Variants in AXL observed in about 807,000 individuals in gnomAD.
AXL encodes the protein AXL receptor tyrosine kinase.
A neutral mutation model predicts 104.5 loss-of-function variants in AXL; 52 were observed. The ratio of observed to expected loss-of-function variants is 0.50; its 90% CI spans 0.40 to 0.63. AXL has a LOEUF of 0.63. Among genes scored for constraint, AXL ranks in the 20% least tolerant of loss-of-function variants. The pLI is 0.00. For synonymous variants in AXL, 455 were observed against 473.7 expected (o/e 0.96, Z 0.51); for missense variants, 1,024 against 1,188.5 (o/e 0.86, Z 2.04).
rs12609460 is a variant in AXL, at chr19:41,227,548, C to T, written c.587-3419C>T. On this transcript the variant is annotated intron_variant, in intron 4 of 19. Coordinates refer to ENST00000301178, the MANE Select transcript of AXL (RefSeq NM_021913.5). Reference sequence around the variant, plus strand: ...TCGCCCAGGCTGGAGTGCAGTGTGGCGACCTTGGCTCACTGCAACCTCCGC... The same window carrying T: ...TCGCCCAGGCTGGAGTGCAGTGTGGTGACCTTGGCTCACTGCAACCTCCGC... 1.3e-3 allele frequency among the ~76,000 whole-genome samples: 195 copies of T among 149,166 alleles called. 3 individuals are homozygous for T. The East Asian group carries it at 0.03, about 23-fold the overall frequency.
chr19:41,233,430 A>G (rs1232851500), intron 6 of AXL, among the ~76,000 whole-genome samples: 5 of 144,446 alleles, frequency 3.5e-5, no homozygotes, highest in African/African-American at 1.2e-4. Flanking sequence ...CACGCCTGTA[A>G]TCCCAGCACT....
intron 17 of AXL, 58 bp downstream of exon 17, chr19:41,253,766 TC>T (rs1336134526): frequency 7.6e-7 from 1 of 1,307,978 alleles, no homozygotes; most frequent in Non-Finnish European, 1.1e-6. Context: ...CTGAGGGAGT[TC>T]CCTCCCTCCT....
At chr19:41,220,910 A>G (rs2033779507) in intron 2 of AXL, 52 bp downstream of exon 2, 1 of 1,586,094 alleles carries the variant, frequency 6.3e-7, no homozygotes, top group Non-Finnish European at 8.6e-7. Context: ...CACAGAGGGC[A>G]GAAAGCCCAC....
At chr19:41,222,831 G>A (rs999088727) in intron 4 of AXL, among the ~76,000 whole-genome samples, 2 of 151,246 alleles carry the variant, frequency 1.3e-5, no homozygotes, top group Non-Finnish European at 2.9e-5. Context: ...GCAGGAACCC[G>A]AGAGGCGGAG....
intron 3 of AXL, 32 bp downstream of exon 3, chr19:41,221,278 C>G (rs1300285084): frequency 6.3e-7 from 1 of 1,591,764 alleles, no homozygotes; most frequent in Non-Finnish European, 8.6e-7. Context: ...CCTGAGGGGT[C>G]AGAGGACATG....
At chr19:41,255,929 G>A (rs991749001) in intron 17 of AXL, among the ~76,000 whole-genome samples, 1 of 152,064 alleles carries the variant, frequency 6.6e-6, no homozygotes, top group African/African-American at 2.4e-5. Context: ...ACTTTTAGTA[G>A]AGACAGAGTT....
At chr19:41,224,202 G>T (rs2033840520) in intron 4 of AXL, among the ~76,000 whole-genome samples, 1 of 151,934 alleles carries the variant, frequency 6.6e-6, no homozygotes, top group Admixed American at 6.6e-5. Flanking sequence ...AGTAAAGTGT[G>T]CCTGGAGGGT....
chr19:41,234,262 C>T (rs991223488), intron 6 of AXL, among the ~76,000 whole-genome samples: 3 of 152,076 alleles, frequency 2.0e-5, no homozygotes, highest in Non-Finnish European at 4.4e-5. Flanking sequence ...GGTGGTAGTG[C>T]GAAGTCAATG....
intron 10 of AXL, among the ~76,000 whole-genome samples, chr19:41,240,827 A>C (rs1212441515): frequency 6.6e-6 from 1 of 152,050 alleles, no homozygotes; most frequent in Non-Finnish European, 1.5e-5. Context: ...AACATTGTCC[A>C]CAACTTTCCC....
At chr19:41,243,037 A>G in intron 11 of AXL, 22 bp downstream of exon 11, 1 of 1,613,946 alleles carries the variant, frequency 6.2e-7, no homozygotes, top group Non-Finnish European at 8.5e-7. Flanking sequence ...CCACATGGGG[A>G]GGCTGTGTGG....
chr19:41,241,556 A>G (rs986613597), intron 10 of AXL, among the ~76,000 whole-genome samples: 26 of 151,164 alleles, frequency 1.7e-4, no homozygotes, highest in East Asian at 9.7e-4. Context: ...AAAAAAAAAA[A>G]AAAGAAAGAA....
rs756620684 is a variant in AXL at position 41,253,638 on chromosome 19, A to G, written c.1966A>G (p.Ile656Val). The G allele has an allele frequency of 7.4e-6, 12 of 1,613,790 alleles. No homozygotes were observed. In the South Asian group the frequency reaches 9.9e-5, roughly 13 times the overall value. The change falls in exon 17 of 20, where the codon ATC becomes GTC. Residue 656 changes from isoleucine to valine, a missense_variant. Ile to Val is a conservative substitution (Grantham distance 29, BLOSUM62 3). This residue lies in a region of AXL where 523 missense variants were observed against 636.0 expected (regional missense o/e 0.82). Coordinates refer to ENST00000301178, the MANE Select transcript of AXL (RefSeq NM_021913.5). ...GATGCTAGTGAAGTTCATGGCAGAC[A>G]TCGCCAGTGGCATGGAGTATCTGAG... ...TQMLVKFMADIASGMEYLSTK... is the reference protein window; with the variant it reads ...TQMLVKFMADVASGMEYLSTK...
At chr19:41,240,431 G>C (rs969033465) in intron 10 of AXL, among the ~76,000 whole-genome samples, 3 of 151,910 alleles carry the variant, frequency 2.0e-5, no homozygotes, top group Non-Finnish European at 2.9e-5. Flanking sequence ...TGGATGGATG[G>C]ACAGATGGAT....
intron 14 of AXL, among the ~76,000 whole-genome samples, chr19:41,251,779 G>A (rs1332011094): frequency 6.6e-6 from 1 of 151,872 alleles, no homozygotes; most frequent in Non-Finnish European, 1.5e-5. Context: ...AATAAAATGG[G>A]AATGATAATA....
In AXL at chr19:41,259,828, C is replaced by T. The variant is rs1400226430; in HGVS notation, c.2609C>T (p.Pro870Leu). Reference sequence around the variant, plus strand: ...CCTGCTGGACGCTATGTCCTCTGCCCTTCCACAACCCCTAGCCCCGCTCAG... The same window carrying T: ...CCTGCTGGACGCTATGTCCTCTGCCTTTCCACAACCCCTAGCCCCGCTCAG... ...VHPAGRYVLC[P>L]STTPSPAQPA... Residue 870 changes from proline (P) to leucine (L), a missense_variant, in exon 20 of 20, where the codon CCT becomes CTT. Coordinates refer to ENST00000301178, the MANE Select transcript of AXL (RefSeq NM_021913.5). 6.2e-7 allele frequency: 1 copy of T among 1,613,872 alleles called. No individual in the cohort carries two copies. The highest frequency in any genetic ancestry group is 8.5e-7 in the Non-Finnish European group (1 of 1,179,894).
At chr19:41,219,676 A>G (rs1239694722) in intron 1 of AXL, among the ~76,000 whole-genome samples, 199 bp downstream of exon 1, 1 of 146,660 alleles carries the variant, frequency 6.8e-6, no homozygotes, top group African/African-American at 2.5e-5. Context: ...AGACTGAGAG[A>G]GGAACTGAAG....
Position 41,246,589 on chromosome 19 carries a change from C to T in AXL, c.1538-1925C>T, listed in dbSNP as rs1005929292. Among the ~76,000 whole-genome samples, 3 of 151,846 alleles carry T rather than the reference C, an allele frequency of 2.0e-5. No homozygotes were observed. In the East Asian group the frequency reaches 5.8e-4, roughly 29 times the overall value. Reference sequence around the variant, plus strand: ...AATTTGCCAGGTGTGGTGGTGTACACCTATAATTCCAGCTGCTCAGGAGGG... The same window carrying T: ...AATTTGCCAGGTGTGGTGGTGTACATCTATAATTCCAGCTGCTCAGGAGGG... On this transcript the variant is annotated intron_variant, in intron 12 of 19. Coordinates refer to ENST00000301178, the MANE Select transcript of AXL (RefSeq NM_021913.5).
chr19:41,249,597 A>G (rs2034328232), intron 14 of AXL, among the ~76,000 whole-genome samples: 1 of 151,872 alleles, frequency 6.6e-6, no homozygotes, highest in Admixed American at 6.6e-5. Flanking sequence ...CTCTACTAAA[A>G]ATACAAAAAT....
chr19:41,224,393 G>C (rs570011957), intron 4 of AXL, among the ~76,000 whole-genome samples: 6 of 151,814 alleles, frequency 4.0e-5, no homozygotes, highest in Non-Finnish European at 7.4e-5. Context: ...TTTTTTTCAA[G>C]ATAAGCTCCC....
Sources: gnomAD v4.1 joint callset for allele counts (sites outside exome capture counted in the v4.1 genomes callset) on GRCh38, gnomAD v4.1.1 for gene constraint, gnomAD v4.1.1 regional missense constraint, MANE v1.5 for transcripts, NCBI Gene and HGNC (gene_info 2026-07-23, HGNC 2026-07-21) for gene names.